ST3GAL1: variants seen among roughly 807,000 people sequenced by gnomAD.
The protein encoded by ST3GAL1 is CMP-N-acetylneuraminate-beta-galactosamide-alpha-2,3-sialyltransferase 1.
Under a neutral mutation model 34.1 loss-of-function variants are expected in ST3GAL1, and 16 were observed. That is an observed-to-expected ratio of 0.47 (90% CI 0.32 to 0.71). The LOEUF (loss-of-function observed/expected upper bound fraction) is 0.71, where lower values mean the gene tolerates loss of function less well. Ranked by LOEUF, ST3GAL1 falls within the 30% of genes least tolerant of loss-of-function variation. The pLI, the probability that ST3GAL1 is intolerant of heterozygous loss-of-function variation, is 0.04. For synonymous variants in ST3GAL1, 191 were observed against 184.7 expected, an observed-to-expected ratio of 1.03 and a Z score of -0.28; for missense variants, 353 against 447.4, an observed-to-expected ratio of 0.79 and a Z score of 1.90.
intron 5 of ST3GAL1, among the ~76,000 whole-genome samples, chr8:133,475,126 T>C (rs1816119702): frequency 6.6e-6 from 1 of 152,180 alleles, no homozygotes; most frequent in Non-Finnish European, 1.5e-5. Flanking sequence ...ATGACAGGTG[T>C]CCTCATAAGA....
intron 8 of ST3GAL1, among the ~76,000 whole-genome samples, chr8:133,462,582 C>T (rs1815553295): frequency 6.6e-6 from 1 of 152,158 alleles, no homozygotes; most frequent in Non-Finnish European, 1.5e-5. Context: ...CCAAAGCCTG[C>T]CTTGAGCACA....
At chr8:133,495,810 G>A (rs927568046) in intron 3 of ST3GAL1, among the ~76,000 whole-genome samples, 1 of 152,232 alleles carries the variant, frequency 6.6e-6, no homozygotes, top group Non-Finnish European at 1.5e-5. Context: ...AGTGGGTGAA[G>A]GGGAGCAGAC....
intron 3 of ST3GAL1, among the ~76,000 whole-genome samples, chr8:133,496,914 G>A (rs1332768253): frequency 6.6e-6 from 1 of 152,162 alleles, no homozygotes; most frequent in Non-Finnish European, 1.5e-5. Context: ...ATCTATGTGA[G>A]CAAAATAAAA....
rs1430113869 is a variant in ST3GAL1, at chr8:133,467,659, G to A, written c.307-1569C>T. Among the ~76,000 whole-genome samples the A allele has an allele frequency of 1.3e-5, 2 of 152,160 alleles. No individual in the cohort carries two copies. The highest frequency in any genetic ancestry group is 1.3e-4 in the Admixed American group (2 of 15,276). On this transcript the variant is annotated intron_variant, in intron 5 of 9. Coordinates refer to ENST00000522652, the MANE Select transcript of ST3GAL1 (RefSeq NM_173344.3). The surrounding 1 kb of genome is among the most constrained non-coding windows in gnomAD (Gnocchi z 4.2). The stretch of plus-strand genomic sequence containing the variant: ...GATAAGCTGTGGGGTGATTCCCATC[G>A]GCTACTCCGGGCCCCAGGGGCAAGG...
intron 2 of ST3GAL1, among the ~76,000 whole-genome samples, chr8:133,545,262 G>A (rs898653816): frequency 5.3e-5 from 8 of 152,238 alleles, no homozygotes; most frequent in Non-Finnish European, 1.2e-4. Context: ...GGTCTCTATG[G>A]TAATGACTCA....
intron 2 of ST3GAL1, among the ~76,000 whole-genome samples, chr8:133,509,903 CA>C (rs1221735517): frequency 6.6e-6 from 1 of 151,896 alleles, no homozygotes; most frequent in African/African-American, 2.4e-5. Flanking sequence ...ACTAAAAATA[CA>C]AAAAATCAGC....
intron 2 of ST3GAL1, among the ~76,000 whole-genome samples, chr8:133,540,838 G>A: frequency 1.1e-5 from 1 of 94,172 alleles, no homozygotes; most frequent in Non-Finnish European, 2.2e-5. Flanking sequence ...TATATATAGA[G>A]AGACATATAT....
chr8:133,554,618 C>A (rs2131092686), intron 1 of ST3GAL1, among the ~76,000 whole-genome samples: 1 of 152,316 alleles, frequency 6.6e-6, no homozygotes, highest in African/African-American at 2.4e-5. Flanking sequence ...CTCTTCACAT[C>A]TGCTACTGCC....
chr8:133,544,695 A>G (rs936068889), intron 2 of ST3GAL1, among the ~76,000 whole-genome samples: 2 of 152,220 alleles, frequency 1.3e-5, no homozygotes, highest in African/African-American at 4.8e-5. Context: ...ATCTACTTGC[A>G]TAAATAAAAC....
At chr8:133,551,582 GAAA>G (rs1563739085) in intron 1 of ST3GAL1, among the ~76,000 whole-genome samples, 3 of 149,606 alleles carry the variant, frequency 2.0e-5, no homozygotes, top group African/African-American at 7.5e-5. Context: ...AAGAAAGAAA[GAAA>G]GAAAGAAAGA....
chr8:133,538,768 C>A (rs1013891700), intron 2 of ST3GAL1, among the ~76,000 whole-genome samples: 1 of 152,202 alleles, frequency 6.6e-6, no homozygotes, highest in Non-Finnish European at 1.5e-5. Context: ...CTGGATGTAG[C>A]TCATCTCCTA....
intron 3 of ST3GAL1, among the ~76,000 whole-genome samples, chr8:133,492,587 T>C (rs1816817340): frequency 6.6e-6 from 1 of 152,158 alleles, no homozygotes; most frequent in Admixed American, 6.5e-5. Context: ...CTGGGCGTAG[T>C]GGCATGTGCC....
chr8:133,537,051 T>C (rs1164602109), intron 2 of ST3GAL1, among the ~76,000 whole-genome samples: 3 of 152,246 alleles, frequency 2.0e-5, no homozygotes, highest in Middle Eastern at 6.8e-3. Context: ...CCCCAACTCC[T>C]ACCCCAAACA....
At chr8:133,560,612 C>A (rs1026512320) in intron 1 of ST3GAL1, among the ~76,000 whole-genome samples, 1 of 152,176 alleles carries the variant, frequency 6.6e-6, no homozygotes, top group African/African-American at 2.4e-5. Flanking sequence ...CAGCACGTCT[C>A]GTGGGCTGGG....
intron 3 of ST3GAL1, among the ~76,000 whole-genome samples, chr8:133,493,468 G>A (rs1231385815): frequency 6.6e-6 from 1 of 152,194 alleles, no homozygotes; most frequent in Non-Finnish European, 1.5e-5. Context: ...GTGCACATGA[G>A]TTTGCATGTG....
intron 9 of ST3GAL1, among the ~76,000 whole-genome samples, chr8:133,460,468 T>G (rs1017266924): frequency 1.3e-5 from 2 of 152,342 alleles, no homozygotes; most frequent in Non-Finnish European, 2.9e-5. Flanking sequence ...GATCCCTTTC[T>G]TCTCTGTGGC....
intron 2 of ST3GAL1, among the ~76,000 whole-genome samples, chr8:133,526,562 T>C (rs1817981093): frequency 6.6e-6 from 1 of 152,160 alleles, no homozygotes; most frequent in Admixed American, 6.5e-5. Flanking sequence ...GTTCCTGAGA[T>C]ACAATTATGT....
intron 1 of ST3GAL1, among the ~76,000 whole-genome samples, chr8:133,557,303 G>A (rs193160591): frequency 1.8e-4 from 28 of 152,314 alleles, no homozygotes; most frequent in Middle Eastern, 6.8e-3. Flanking sequence ...GTCAACCAAC[G>A]CGTGGCACAA....
At chr8:133,513,525 C>T (rs1320410142) in intron 2 of ST3GAL1, among the ~76,000 whole-genome samples, 1 of 152,192 alleles carries the variant, frequency 6.6e-6, no homozygotes, top group Admixed American at 6.5e-5. Flanking sequence ...TACTTTCGTG[C>T]TCCAATGGCA....
Sources: gnomAD v4.1 joint callset for allele counts (sites outside exome capture counted in the v4.1 genomes callset) on GRCh38, gnomAD v4.1.1 for gene constraint, Gnocchi (gnomAD v3.1) non-coding constraint, MANE v1.5 for transcripts, NCBI Gene and HGNC (gene_info 2026-07-23, HGNC 2026-07-21) for gene names.